Variants in WWP2 observed in about 807,000 individuals in gnomAD.
The protein encoded by WWP2 is NEDD4-like E3 ubiquitin-protein ligase WWP2.
Under a neutral mutation model 121.0 loss-of-function variants are expected in WWP2, and 57 were observed. The ratio of observed to expected loss-of-function variants is 0.47; its 90% CI spans 0.38 to 0.59. The LOEUF (loss-of-function observed/expected upper bound fraction) is 0.59, where lower values mean the gene tolerates loss of function less well. Ranked by LOEUF, WWP2 falls within the 20% of genes least tolerant of loss-of-function variation. The pLI is 0.00. For synonymous variants in WWP2, 449 were observed against 441.3 expected (o/e 1.02, Z -0.22); for missense variants, 962 against 1,158.9 (o/e 0.83, Z 2.47).
chr16:69,852,579 T>A (rs970052552), intron 6 of WWP2, among the ~76,000 whole-genome samples: 1 of 152,234 alleles, frequency 6.6e-6, no homozygotes, highest in African/African-American at 2.4e-5. Context: ...CGGCCTATGA[T>A]ATGGAGAGTC....
At chr16:69,872,216 A>T (rs966836271) in intron 7 of WWP2, among the ~76,000 whole-genome samples, 1 of 151,890 alleles carries the variant, frequency 6.6e-6, no homozygotes, top group Non-Finnish European at 1.5e-5. Context: ...AATAAAAAGA[A>T]ATGTCTTTTT....
rs752479198 is a variant in WWP2, at chr16:69,929,548, A to AG, written c.1316+25dup. 1 of 1,612,002 alleles carries AG rather than the reference A, an allele frequency of 6.2e-7. No individual in the cohort carries two copies. Among genetic ancestry groups the AG allele is most frequent in the South Asian group, 1.1e-5 (1 of 91,034 alleles). ...CCCAGGGGTAAGGACTTGGGCTGAG[A>AG]GGGGGGCCGGGCTGGGCTGGGTCTC... On this transcript the variant is annotated intron_variant, in intron 12 of 23. Coordinates refer to ENST00000359154, the MANE Select transcript of WWP2 (RefSeq NM_001270454.2).
At chr16:69,841,607 A>G (rs1035908969) in intron 5 of WWP2, among the ~76,000 whole-genome samples, 2 of 152,174 alleles carry the variant, frequency 1.3e-5, no homozygotes, top group Non-Finnish European at 2.9e-5. Flanking sequence ...GCAGAAGACT[A>G]TGATGATCTG....
At chr16:69,821,868 G>A (rs575738364) in intron 4 of WWP2, among the ~76,000 whole-genome samples, 1 of 149,668 alleles carries the variant, frequency 6.7e-6, no homozygotes, top group Admixed American at 6.7e-5. Flanking sequence ...ATTTTTCTTT[G>A]TTTTGTTTTT....
intron 4 of WWP2, among the ~76,000 whole-genome samples, chr16:69,826,709 C>T (rs1005525442): frequency 7.9e-6 from 1 of 126,428 alleles, no homozygotes; most frequent in Non-Finnish European, 1.7e-5. Flanking sequence ...GAAACCCTCT[C>T]TCTAATAAAA....
intron 7 of WWP2, 22 bp downstream of exon 7, chr16:69,871,953 C>T (rs2057647717): frequency 1.2e-6 from 2 of 1,606,736 alleles, no homozygotes; most frequent in Non-Finnish European, 1.7e-6. Context: ...CACCGCACGC[C>T]AGCCTGCACT....
At chr16:69,931,268 T>C (rs8052558) in intron 14 of WWP2, 41 bp downstream of exon 14, 2 of 1,611,292 alleles carry the variant, frequency 1.2e-6, no homozygotes, top group Non-Finnish European at 1.7e-6. Context: ...GTTGGGGTTA[T>C]TGAGTTATTT....
chr16:69,938,024 T>C lies in WWP2; in HGVS notation c.2343+372T>C, dbSNP rs554025568. Among the ~76,000 whole-genome samples the C allele has an allele frequency of 1.2e-4, 18 of 152,254 alleles. No homozygotes were observed. The South Asian group carries it at 3.7e-3, about 32-fold the overall frequency. ...TCCTATGTATAATTAATGTGTTGAT[T>C]CTTTTATACGTATGGGTTTTGTTGT... On this transcript the variant is annotated intron_variant, in intron 21 of 23. Transcript: ENST00000359154.
intron 16 of WWP2, among the ~76,000 whole-genome samples, chr16:69,932,330 CA>C (rs1413894047): frequency 6.6e-6 from 1 of 152,208 alleles, no homozygotes; most frequent in Non-Finnish European, 1.5e-5. Flanking sequence ...AACTCCATCT[CA>C]AAAACAAAAC....
chr16:69,845,766 A>G (rs2057061989), intron 6 of WWP2, among the ~76,000 whole-genome samples: 2 of 152,002 alleles, frequency 1.3e-5, no homozygotes, highest in South Asian at 4.2e-4. Flanking sequence ...TAATCAGATG[A>G]AGCCTGGGCG....
At chr16:69,776,239 C>T (rs1486903216) in intron 1 of WWP2, 1 of 152,174 alleles carries the variant, frequency 6.6e-6, no homozygotes, top group Admixed American at 6.6e-5. Context: ...TCTCTTCCAC[C>T]AGGTAGGATA....
At chr16:69,851,224 G>C (rs2057206415) in intron 6 of WWP2, among the ~76,000 whole-genome samples, 1 of 151,332 alleles carries the variant, frequency 6.6e-6, no homozygotes, top group Non-Finnish European at 1.5e-5. Context: ...CCCCATGTTG[G>C]CCAGGCTGGT....
chr16:69,838,282 A>G (rs561648897), intron 4 of WWP2, among the ~76,000 whole-genome samples: 47 of 152,128 alleles, frequency 3.1e-4, no homozygotes, highest in African/African-American at 1.1e-3. Flanking sequence ...TGCTCAGGTT[A>G]GGTAGTTTGC....
chr16:69,822,307 T>A (rs2056607467), intron 4 of WWP2, among the ~76,000 whole-genome samples: 1 of 152,192 alleles, frequency 6.6e-6, no homozygotes, highest in Non-Finnish European at 1.5e-5. Flanking sequence ...TGACGCTGAT[T>A]TATCAGCTTT....
intron 6 of WWP2, among the ~76,000 whole-genome samples, chr16:69,864,006 A>C (rs1203230279): frequency 6.6e-6 from 1 of 152,218 alleles, no homozygotes; most frequent in East Asian, 1.9e-4. Context: ...GCTTACAAGC[A>C]AAGCCTCTAT....
At position 69,939,210 on chromosome 16, in the gene WWP2, C is replaced by T. The variant is rs145472785; in HGVS notation, c.2440+87C>T. The T allele has an allele frequency of 6.1e-4, 943 of 1,557,368 alleles. 9 individuals carry two copies. The East Asian group carries it at 0.021, about 35-fold the overall frequency. ...GAAACCTAGTCTCTTCCTGGAAGCA[C>T]GTCAGTGGGATGGAGAAGAGCTGTG... On this transcript the variant is annotated intron_variant, in intron 22 of 23. Transcript: ENST00000359154.
intron 6 of WWP2, among the ~76,000 whole-genome samples, chr16:69,851,663 T>C (rs1164967131): frequency 6.6e-6 from 1 of 152,108 alleles, no homozygotes; most frequent in African/African-American, 2.4e-5. Flanking sequence ...TAAACATTAG[T>C]GTGCAGGTTT....
At chr16:69,805,579 A>G (rs1381602604) in intron 4 of WWP2, among the ~76,000 whole-genome samples, 2 of 150,554 alleles carry the variant, frequency 1.3e-5, no homozygotes, top group African/African-American at 4.9e-5. Flanking sequence ...TTGATTTATT[A>G]ATCATTGCAG....
chr16:69,933,598 C>T (rs2058751969), intron 16 of WWP2, among the ~76,000 whole-genome samples: 1 of 152,142 alleles, frequency 6.6e-6, no homozygotes, highest in Non-Finnish European at 1.5e-5. Flanking sequence ...ATGCATCGTG[C>T]CCTTGTGCAG....
Sources: gnomAD v4.1 joint callset for allele counts (sites outside exome capture counted in the v4.1 genomes callset) on GRCh38, gnomAD v4.1.1 for gene constraint, MANE v1.5 for transcripts, NCBI Gene and HGNC (gene_info 2026-07-23, HGNC 2026-07-21) for gene names.